The following NTRK1 variants were observed in gnomAD, a reference collection of about 807,000 sequenced individuals.
NTRK1 encodes the protein high affinity nerve growth factor receptor.
In NTRK1, 62 loss-of-function variants were observed where a neutral mutation model predicts 86.8. That is an observed-to-expected ratio of 0.71 (90% CI 0.58 to 0.88). The LOEUF is 0.88. Among genes scored for constraint, NTRK1 ranks in the 40% least tolerant of loss-of-function variants. The probability of loss-of-function intolerance (pLI) is 0.00; values close to 1 mark genes in which losing one functional copy is unlikely to be tolerated. For missense variants in NTRK1, 967 were observed against 1,078.4 expected (o/e 0.90, Z 1.45); for synonymous variants, 469 against 456.6 (o/e 1.03, Z -0.35).
intron 2 of NTRK1, chr1:156,849,111 C>A: frequency 1.3e-6 from 2 of 1,597,136 alleles, no homozygotes; most frequent in South Asian, 1.1e-5. Context: ...CCACCCTGAC[C>A]CCGCGGCATC....
intron 14 of NTRK1, among the ~76,000 whole-genome samples, chr1:156,877,565 C>T (rs112593485): frequency 0.01 from 1,536 of 152,288 alleles, 18 homozygotes; most frequent in African/African-American, 0.035. Flanking sequence ...AGATCACCCC[C>T]GGGAGGATGG....
chr1:156,870,696 G>C (rs115299532), intron 6 of NTRK1, among the ~76,000 whole-genome samples: 1 of 152,042 alleles, frequency 6.6e-6, no homozygotes, highest in South Asian at 2.1e-4. Flanking sequence ...TAAAGTTTTC[G>C]GATAAATGAG....
At chr1:156,880,214 G>A (rs2102928212) in intron 16 of NTRK1, 57 bp downstream of exon 16, 1 of 1,597,126 alleles carries the variant, frequency 6.3e-7, no homozygotes, top group Non-Finnish European at 8.5e-7. Flanking sequence ...GCCCCTTCAG[G>A]TTCCTTTTTC....
chr1:156,843,563 A>C, intron 2 of NTRK1: 1 of 1,401,080 alleles, frequency 7.1e-7, no homozygotes, highest in South Asian at 1.2e-5. Context: ...AGGACATTTC[A>C]AGGAGGAGGG....
chr1:156,824,868 A>T (rs1489906571), intron 1 of NTRK1, among the ~76,000 whole-genome samples: 2 of 152,154 alleles, frequency 1.3e-5, no homozygotes, highest in Admixed American at 1.3e-4. Context: ...AGCTTGTGCC[A>T]CAGCCTGAAC....
intron 1 of NTRK1, among the ~76,000 whole-genome samples, chr1:156,834,063 ATC>A (rs1315801573): frequency 6.6e-6 from 1 of 152,138 alleles, no homozygotes; most frequent in African/African-American, 2.4e-5. Context: ...ATATTCAATT[ATC>A]TCTCTGTGGA....
intron 1 of NTRK1, among the ~76,000 whole-genome samples, chr1:156,836,626 T>C (rs1461019337): frequency 6.6e-6 from 1 of 152,160 alleles, no homozygotes; most frequent in South Asian, 2.1e-4. Context: ...CTCCCTCCTC[T>C]TTCATGGTGG....
chr1:156,845,669 C>T, intron 2 of NTRK1: 10 of 1,610,578 alleles, frequency 6.2e-6, no homozygotes, highest in Non-Finnish European at 8.5e-6. Flanking sequence ...TCTTCTGGAA[C>T]GAGGCCTCTT....
At chr1:156,847,775 C>T (rs959985021) in intron 2 of NTRK1, among the ~76,000 whole-genome samples, 4 of 152,038 alleles carry the variant, frequency 2.6e-5, no homozygotes, top group Non-Finnish European at 4.4e-5. Context: ...GCAGGATCTG[C>T]AGTGTGTGTC....
chr1:156,866,180 A>G (rs915309595), intron 3 of NTRK1, among the ~76,000 whole-genome samples: 9 of 152,226 alleles, frequency 5.9e-5, no homozygotes, highest in Non-Finnish European at 1.2e-4. Flanking sequence ...TCTCCCACCC[A>G]GCCACCACAA....
chr1:156,869,616 G>C (rs1647429889), intron 6 of NTRK1, among the ~76,000 whole-genome samples: 1 of 152,156 alleles, frequency 6.6e-6, no homozygotes, highest in Non-Finnish European at 1.5e-5. Context: ...CCTGCACTTT[G>C]GTTTTCTTAT....
intron 1 of NTRK1, among the ~76,000 whole-genome samples, chr1:156,818,665 T>C (rs1654096336): frequency 6.6e-6 from 1 of 152,164 alleles, no homozygotes; most frequent in African/African-American, 2.4e-5. Flanking sequence ...CGTTCTTTTT[T>C]TGGCTGAGTA....
In NTRK1 at chr1:156,817,258, C is replaced by T. The variant is rs150313645; in HGVS notation, c.-64+1420C>T. 3.4e-3 allele frequency among the ~76,000 whole-genome samples: 524 copies of T among 152,000 alleles called. 4 individuals are homozygous for T. The highest frequency in any genetic ancestry group is 0.012 in the African/African-American group (490 of 41,442). On this transcript the variant is annotated intron_variant, in intron 1 of 16. Coordinates refer to the NTRK1 transcript ENST00000392302. ...GGGCTGCAACAGGAAGGATGTGGGT[C>T]AGACTTCTGGAAGGACTTTTTGAGG...
chr1:156,876,562 C>A lies in NTRK1; in HGVS notation c.1795C>A (p.Arg599Ser). The A allele has an allele frequency of 6.2e-7, 1 of 1,612,108 alleles. No individual in the cohort carries two copies. Among genetic ancestry groups the A allele is most frequent in the Non-Finnish European group, 8.5e-7 (1 of 1,179,650 alleles). Reference protein sequence around the residue: ...FEYMRHGDLNRFLRSHGPDAK... With the variant: ...FEYMRHGDLNSFLRSHGPDAK... ...GTATATGCGGCACGGGGACCTCAAC[C>A]GCTTCCTCCGGTACCAGCACCTGGC... Residue 599 changes from arginine to serine, a missense_variant, in exon 14 of 17, where the codon CGC (arginine) becomes AGC (serine). Transcript: ENST00000524377.
intron 2 of NTRK1, chr1:156,845,185 G>A (rs754654397): frequency 6.2e-7 from 1 of 1,610,350 alleles, no homozygotes; most frequent in Admixed American, 1.7e-5. Context: ...AGTGGCGCAG[G>A]CCGCTCAGCA....
At position 156,876,284 on chromosome 1, in the gene NTRK1, G is replaced by T. The variant is rs548169560; in HGVS notation, c.1632+74G>T. The T allele has an allele frequency of 7.9e-5, 128 of 1,610,142 alleles. No homozygotes were observed. In the South Asian group the frequency reaches 1.1e-3, roughly 13 times the overall value. On this transcript the variant is annotated intron_variant, in intron 13 of 16. Coordinates refer to ENST00000524377, the MANE Select transcript of NTRK1 (RefSeq NM_002529.4). ...GAGCTCCATCACATCAGGACAGAGTGGGGGGAGATGCAGAGGGCTGACATG... is the reference window on the plus strand; with the variant it reads ...GAGCTCCATCACATCAGGACAGAGTTGGGGGAGATGCAGAGGGCTGACATG...
chr1:156,844,417 T>TA, intron 2 of NTRK1: 1 of 1,597,284 alleles, frequency 6.3e-7, no homozygotes, highest in Non-Finnish European at 8.6e-7. Flanking sequence ...GGGGACCAGG[T>TA]AGGGCTGTTC....
intron 1 of NTRK1, among the ~76,000 whole-genome samples, chr1:156,819,412 G>A (rs1654120270): frequency 6.6e-6 from 1 of 151,992 alleles, no homozygotes; most frequent in Non-Finnish European, 1.5e-5. Context: ...GTGGTGTTGA[G>A]CATTTTTTCA....
chr1:156,868,233 GC>G lies in NTRK1; in HGVS notation c.561del (p.Asn188MetfsTer9). The G allele has an allele frequency of 6.2e-7, 1 of 1,611,042 alleles. No homozygotes were observed. The highest frequency in any genetic ancestry group is 8.5e-7 in the Non-Finnish European group (1 of 1,180,016). ...ATGGGCAAGGGCCCCTGGCCCACAT[GC>G]CCAATGCCAGCTGTGGTAGGTGCCG... The part of the protein sequence containing the change: ...CHGQGPLAHM[P>X]NASCGVPTLK... On this transcript the variant is annotated frameshift_variant, in exon 5 of 17. Transcript: ENST00000524377. LOFTEE classifies it high-confidence loss of function.
Sources: gnomAD v4.1 joint callset for allele counts (sites outside exome capture counted in the v4.1 genomes callset) on GRCh38, gnomAD v4.1.1 for gene constraint, MANE v1.5 for transcripts, NCBI Gene and HGNC (gene_info 2026-07-23, HGNC 2026-07-21) for gene names.